Variants in ANKEF1 observed in about 807,000 individuals in gnomAD.
ANKEF1 encodes ankyrin repeat and EF-hand domain-containing protein 1.
ANKEF1 carries 43 observed loss-of-function variants against 65.1 expected under a neutral mutation model. That is an observed-to-expected ratio of 0.66 (90% CI 0.52 to 0.85). The LOEUF is 0.85. ANKEF1 is among the 40% of genes least tolerant of loss of function. The probability of loss-of-function intolerance (pLI) is 0.00; values close to 1 mark genes in which losing one functional copy is unlikely to be tolerated. For missense variants in ANKEF1, 934 were observed against 952.9 expected, an observed-to-expected ratio of 0.98 and a Z score of 0.26; for synonymous variants, 316 against 341.5, an observed-to-expected ratio of 0.93 and a Z score of 0.82.
At chr20:10,054,388 T>G in intron 9 of ANKEF1, 74 bp from the exon 10 acceptor site, 2 of 1,236,164 alleles carry the variant, frequency 1.6e-6, no homozygotes, top group Admixed American at 3.5e-5. Flanking sequence ...CAGAGTAAGA[T>G]GTGAAACAGC....
Position 10,044,429 on chromosome 20 carries a change from A to C in ANKEF1, c.582A>C (p.Arg194Ser). 6.2e-7 allele frequency: 1 copy of C among 1,614,102 alleles called. No homozygotes were observed. The highest frequency in any genetic ancestry group is 8.5e-7 in the Non-Finnish European group (1 of 1,179,986). The change falls in exon 5 of 11, where the codon AGA becomes AGC. Residue 194 changes from arginine to serine, a missense_variant. By Grantham distance (110) the Arg-to-Ser change is moderately radical. Transcript: ENST00000378392. ...GCACAGCTTTAATGGAAGCGTCAAG[A>C]GAAGGGGTAGTGGAAATAGTTCGAG... ...TGRTALMEAS[R>S]EGVVEIVRGI...
chr20:10,045,686 T>C lies in ANKEF1; in HGVS notation c.809T>C (p.Ile270Thr), dbSNP rs1437087013. The change falls in exon 6 of 11, where the codon ATA (isoleucine) becomes ACA (threonine). Residue 270 changes from isoleucine (I) to threonine (T), a missense_variant. Coordinates refer to ENST00000378392, the MANE Select transcript of ANKEF1 (RefSeq NM_022096.6). ...GGTTTTGCAGACTGCTGTAAATATA[T>C]AGCTCAGCGAGGTAAAATTGTCTAG... ...MGGFADCCKY[I>T]AQRGCDLKWK... 1.2e-6 allele frequency: 2 copies of C among 1,613,612 alleles called. No homozygotes were observed. Among genetic ancestry groups the C allele is most frequent in the Non-Finnish European group, 8.5e-7 (1 of 1,179,678 alleles).
Position 10,038,662 on chromosome 20 carries a change from A to G in ANKEF1, c.346+15A>G, listed in dbSNP as rs1356627810. ...TGAAGGAAAAGGTAAAAATCCCGAC[A>G]TCCTCTCCAGCAGATTGCAATTCAT... On this transcript the variant is annotated intron_variant, in intron 3 of 10. Transcript: ENST00000378392. The G allele has an allele frequency of 1.3e-6, 2 of 1,556,268 alleles. No individual in the cohort carries two copies. The highest frequency in any genetic ancestry group is 2.3e-5 in the East Asian group (1 of 43,316).
At chr20:10,036,991 G>T (rs982797442) in intron 2 of ANKEF1, among the ~76,000 whole-genome samples, 1 of 152,122 alleles carries the variant, frequency 6.6e-6, no homozygotes, top group African/African-American at 2.4e-5. Flanking sequence ...CATTGGTGTT[G>T]GATGGAAGCA....
At chr20:10,050,524 G>A (rs1373957045) in intron 7 of ANKEF1, among the ~76,000 whole-genome samples, 7 of 152,182 alleles carry the variant, frequency 4.6e-5, no homozygotes, top group Non-Finnish European at 1.0e-4. Context: ...TTAGATTTAT[G>A]TTATGTTAGA....
At chr20:10,044,315 C>A in intron 4 of ANKEF1, 79 bp from the exon 5 acceptor site, 1 of 1,453,102 alleles carries the variant, frequency 6.9e-7, no homozygotes, top group Non-Finnish European at 9.3e-7. Flanking sequence ...CAAATGGATT[C>A]AGACTGTATT....
At chr20:10,043,976 C>T (rs933138991) in intron 4 of ANKEF1, among the ~76,000 whole-genome samples, 44 of 151,842 alleles carry the variant, frequency 2.9e-4, no homozygotes, top group African/African-American at 1.1e-3. Context: ...ATATCAATTT[C>T]GTTCACTCTC....
At chr20:10,053,298 C>T in intron 9 of ANKEF1, 23 bp downstream of exon 9, 2 of 1,573,146 alleles carry the variant, frequency 1.3e-6, no homozygotes, top group South Asian at 2.4e-5. Context: ...GTTGACTACC[C>T]ATTAGTAACT....
intron 6 of ANKEF1, among the ~76,000 whole-genome samples, chr20:10,046,333 C>G (rs556453229): frequency 2.0e-5 from 3 of 152,220 alleles, no homozygotes; most frequent in Admixed American, 2.0e-4. Flanking sequence ...ACACTGGAAA[C>G]CATTTGCTTT....
In ANKEF1 at chr20:10,049,949, G is replaced by A; in HGVS notation, c.1380G>A (p.Lys460=). The A allele has an allele frequency of 6.2e-7, 1 of 1,614,204 alleles. No individual in the cohort carries two copies. The highest frequency in any genetic ancestry group is 1.1e-5 in the South Asian group (1 of 91,092). Residue 460 remains lysine (K), a synonymous_variant, in exon 7 of 11, where the codon AAG becomes AAA. Coordinates refer to ENST00000378392, the MANE Select transcript of ANKEF1 (RefSeq NM_022096.6). ...GPPYYMIETY[K]NVTDSSRFNR... The stretch of plus-strand genomic sequence containing the variant: ...CGTATTACATGATTGAGACCTACAA[G>A]AATGTCACTGATAGCAGCCGGTTTA...
Position 10,049,925 on chromosome 20 carries a change from G to GT in ANKEF1, c.1357dup (p.Tyr453LeufsTer5). 6.2e-7 allele frequency: 1 copy of GT among 1,614,186 alleles called. No individual in the cohort carries two copies. Among genetic ancestry groups the GT allele is most frequent in the Non-Finnish European group, 8.5e-7 (1 of 1,180,022 alleles). ...CACGCCGGCAGGATGGTGGGCCACCGTATTACATGATTGAGACCTACAAGA... is the reference window on the plus strand; with the variant it reads ...CACGCCGGCAGGATGGTGGGCCACCGTTATTACATGATTGAGACCTACAAGA... On this transcript the variant is annotated frameshift_variant, in exon 7 of 11. Transcript: ENST00000378392. LOFTEE classifies it high-confidence loss of function.
rs780077900 is a variant in ANKEF1, at chr20:10,038,554, A to T, written c.253A>T (p.Thr85Ser). The change falls in exon 3 of 11, where the codon ACA (threonine) becomes TCA (serine). Residue 85 changes from threonine to serine, a missense_variant. Coordinates refer to ENST00000378392, the MANE Select transcript of ANKEF1 (RefSeq NM_022096.6). ...DVQDRMGCTP[T>S]MRAAELGHEL... is the part of the protein sequence containing the mutation. The stretch of plus-strand genomic sequence containing the variant: ...GCAAGACCGAATGGGCTGTACTCCC[A>T]CAATGAGGGCTGCAGAACTGGGCCA... 3 of 1,614,276 alleles carry T rather than the reference A, an allele frequency of 1.9e-6. No homozygotes were observed. Among genetic ancestry groups the T allele is most frequent in the Middle Eastern group, 1.6e-4 (1 of 6,062 alleles).
chr20:10,051,012 T>G (rs1400145129), intron 7 of ANKEF1, among the ~76,000 whole-genome samples: 1 of 152,208 alleles, frequency 6.6e-6, no homozygotes, highest in African/African-American at 2.4e-5. Flanking sequence ...ACCATAGTTG[T>G]ATAACCTGGG....
intron 6 of ANKEF1, 116 bp downstream of exon 6, chr20:10,045,813 C>T (rs1984489527): frequency 3.0e-6 from 3 of 990,068 alleles, no homozygotes; most frequent in Non-Finnish European, 4.5e-6. Context: ...ATAGCAAAAC[C>T]TCACTCATAT....
intron 6 of ANKEF1, among the ~76,000 whole-genome samples, chr20:10,045,991 C>T (rs545911283): frequency 1.1e-4 from 17 of 152,042 alleles, no homozygotes; most frequent in Non-Finnish European, 2.1e-4. Flanking sequence ...TGGTTGAGGG[C>T]GGGGTGTGGT....
chr20:10,053,393 C>A, intron 9 of ANKEF1, 118 bp downstream of exon 9: 1 of 802,454 alleles, frequency 1.2e-6, no homozygotes, highest in Non-Finnish European at 1.9e-6. Context: ...ATATGCAGTG[C>A]ATACTTTCAA....
At chr20:10,050,264 A>T (rs1984777867) in intron 7 of ANKEF1, 52 bp downstream of exon 7, 1 of 1,434,842 alleles carries the variant, frequency 7.0e-7, no homozygotes, top group Non-Finnish European at 9.4e-7. Context: ...TTCACATTTC[A>T]AGGAAGTGAA....
rs984233435 is a variant in ANKEF1 at position 10,057,692 on chromosome 20, C to A, written c.*2032C>A. 3.9e-5 allele frequency: 6 copies of A among 152,184 alleles called. No individual in the cohort carries two copies. The highest frequency in any genetic ancestry group is 1.4e-4 in the African/African-American group (6 of 41,450). The allele number at this position is 152,184 out of a possible 1,614,324, so 9.4% of individuals were successfully genotyped here. A position where few individuals can be genotyped will look rare whatever the true frequency, so the allele number is the denominator to read the frequency against. Reference sequence around the variant, plus strand: ...TATTTCATTGTGTATTTCCTAAAATCACGATGTTCTTTTGCATAACAATAT... The same window carrying A: ...TATTTCATTGTGTATTTCCTAAAATAACGATGTTCTTTTGCATAACAATAT... On this transcript the variant is annotated 3_prime_UTR_variant, in exon 11 of 11. Transcript: ENST00000378392.
chr20:10,043,183 T>C lies in ANKEF1; in HGVS notation c.408T>C (p.Leu136=), dbSNP rs1251295714. The change falls in exon 4 of 11, where the codon CTT becomes CTC. Residue 136 remains leucine (L), a synonymous_variant. Transcript: ENST00000378392. ...KRHYRCALIA[L]EHGADVNNST... is the part of the protein sequence containing the mutation. Reference sequence around the variant, plus strand: ...ATTATCGCTGTGCTCTGATCGCCCTTGAACATGGTGCAGATGTCAACAATT... The same window carrying C: ...ATTATCGCTGTGCTCTGATCGCCCTCGAACATGGTGCAGATGTCAACAATT... 7.4e-6 allele frequency: 12 copies of C among 1,614,084 alleles called. No individual in the cohort carries two copies. Among genetic ancestry groups the C allele is most frequent in the East Asian group, 2.2e-5 (1 of 44,892 alleles).
Sources: gnomAD v4.1 joint callset for allele counts (sites outside exome capture counted in the v4.1 genomes callset) on GRCh38, gnomAD v4.1.1 for gene constraint, MANE v1.5 for transcripts, NCBI Gene and HGNC (gene_info 2026-07-23, HGNC 2026-07-21) for gene names.